ASTN1: variants seen among roughly 807,000 people sequenced by gnomAD.
ASTN1 encodes astrotactin-1.
A neutral mutation model predicts 140.7 loss-of-function variants in ASTN1; 41 were observed. That is an observed-to-expected ratio of 0.29 (90% CI 0.23 to 0.38). ASTN1 has a LOEUF of 0.38. Among genes scored for constraint, ASTN1 ranks in the 10% least tolerant of loss-of-function variants. The probability of loss-of-function intolerance (pLI) is 1.00; values close to 1 mark genes in which losing one functional copy is unlikely to be tolerated. For missense variants in ASTN1, 1,479 were observed against 1,678.8 expected, an observed-to-expected ratio of 0.88 and a Z score of 2.08; for synonymous variants, 640 against 652.2, an observed-to-expected ratio of 0.98 and a Z score of 0.29.
At chr1:177,144,037 T>A (rs565021242) in intron 1 of ASTN1, among the ~76,000 whole-genome samples, 1 of 152,176 alleles carries the variant, frequency 6.6e-6, no homozygotes, top group Admixed American at 6.5e-5. Context: ...AAATGTCTTT[T>A]CTTTGCCTTT....
intron 8 of ASTN1, among the ~76,000 whole-genome samples, chr1:176,985,845 TACACACACACACA>T (rs1166332179): frequency 7.7e-6 from 1 of 129,668 alleles, no homozygotes; most frequent in African/African-American, 3.0e-5. Context: ...TCTCTCTCTC[TACACACACACACA>T]CACACACACA....
chr1:177,031,368 G>A lies in ASTN1; in HGVS notation c.866-416C>T, dbSNP rs1022716499. On this transcript the variant is annotated intron_variant, in intron 3 of 22. Coordinates refer to ENST00000361833, the MANE Select transcript of ASTN1 (RefSeq NM_004319.3). ...CTTTCATCACAGTCTGCGCCATTCT[G>A]TATTGTCTGACCTCTTCTCTGCTTC... Among the ~76,000 whole-genome samples the A allele has an allele frequency of 1.4e-4, 21 of 152,114 alleles. 1 individual carries two copies. Among genetic ancestry groups the A allele is most frequent in the Admixed American group, 9.2e-4 (14 of 15,274 alleles).
intron 16 of ASTN1, among the ~76,000 whole-genome samples, chr1:176,905,280 C>T (rs753540198): frequency 1.8e-4 from 28 of 152,324 alleles, no homozygotes; most frequent in Middle Eastern, 3.4e-3. Context: ...TGAGTCTATG[C>T]AGGCGGGTGT....
intron 1 of ASTN1, among the ~76,000 whole-genome samples, chr1:177,098,689 T>C (rs1366899617): frequency 6.6e-6 from 1 of 152,150 alleles, no homozygotes; most frequent in Non-Finnish European, 1.5e-5. Context: ...AAGTAAACAA[T>C]GATTTGAGAA....
At chr1:177,163,416 G>T (rs147846796) in intron 1 of ASTN1, among the ~76,000 whole-genome samples, 1 of 152,146 alleles carries the variant, frequency 6.6e-6, no homozygotes, top group African/African-American at 2.4e-5. Context: ...ATGAACTTGT[G>T]GTGCTTTGCA....
chr1:177,020,906 A>T (rs1224042970), intron 7 of ASTN1, among the ~76,000 whole-genome samples: 2 of 152,200 alleles, frequency 1.3e-5, no homozygotes, highest in East Asian at 3.9e-4. Flanking sequence ...GCACAGCTCC[A>T]TGCATCCATA....
intron 1 of ASTN1, among the ~76,000 whole-genome samples, chr1:177,090,916 T>C (rs1305013081): frequency 1.3e-5 from 2 of 150,738 alleles, no homozygotes; most frequent in Non-Finnish European, 3.0e-5. Context: ...TCTGTCTACA[T>C]GACCTTGTTT....
At chr1:177,122,964 C>T (rs142705977) in intron 1 of ASTN1, among the ~76,000 whole-genome samples, 13 of 152,236 alleles carry the variant, frequency 8.5e-5, no homozygotes, top group African/African-American at 2.6e-4. Context: ...ATAACTGAAG[C>T]GCTTCCTGAG....
At chr1:177,037,772 C>T (rs1315771664) in intron 2 of ASTN1, among the ~76,000 whole-genome samples, 4 of 152,108 alleles carry the variant, frequency 2.6e-5, no homozygotes, top group African/African-American at 4.8e-5. Context: ...CATTTGGTAA[C>T]TAGAAGTGTG....
intron 1 of ASTN1, among the ~76,000 whole-genome samples, chr1:177,100,159 A>G (rs965291352): frequency 1.4e-4 from 21 of 152,178 alleles, no homozygotes; most frequent in African/African-American, 5.1e-4. Context: ...ATGGGCAGAT[A>G]ATAAAAAATT....
intron 8 of ASTN1, among the ~76,000 whole-genome samples, chr1:176,983,234 T>C (rs921433991): frequency 1.3e-5 from 2 of 152,126 alleles, no homozygotes; most frequent in African/African-American, 4.8e-5. Flanking sequence ...CTGGACAGGT[T>C]GGCAGGTTGA....
chr1:177,074,199 G>C (rs1483311331), intron 1 of ASTN1, among the ~76,000 whole-genome samples: 3 of 152,012 alleles, frequency 2.0e-5, no homozygotes, highest in African/African-American at 7.2e-5. Flanking sequence ...CCTTGAAGTT[G>C]GTCACAGGAA....
rs201838058 is a variant in ASTN1 at position 176,888,155 on chromosome 1, T to C, written c.2990A>G (p.Asp997Gly). Residue 997 changes from aspartate to glycine, a missense_variant, in exon 18 of 23, where the codon GAT becomes GGT. This residue lies in a region of ASTN1 where 746 missense variants were observed against 800.9 expected (regional missense o/e 0.93). Transcript: ENST00000361833. ...ACATCGACACCAGTCCTCGATGACA[T>C]CTCCAGTCCCTGAGCACCAGAGAGA... ...MSSLWCSGTGDVIEDWCRCDS... is the reference protein window; with the variant it reads ...MSSLWCSGTGGVIEDWCRCDS... The C allele has an allele frequency of 1.9e-6, 3 of 1,614,038 alleles. No individual in the cohort carries two copies. Among genetic ancestry groups the C allele is most frequent in the Non-Finnish European group, 2.5e-6 (3 of 1,179,986 alleles).
chr1:177,021,935 C>A (rs1320153167), intron 7 of ASTN1, among the ~76,000 whole-genome samples: 1 of 152,194 alleles, frequency 6.6e-6, no homozygotes, highest in African/African-American at 2.4e-5. Flanking sequence ...TGGTACACAG[C>A]CCATCTGTTT....
chr1:177,074,953 C>T (rs1678816279), intron 1 of ASTN1, among the ~76,000 whole-genome samples: 1 of 152,138 alleles, frequency 6.6e-6, no homozygotes, highest in Non-Finnish European at 1.5e-5. Flanking sequence ...CTAACTGGCA[C>T]CATTTTCTCA....
intron 8 of ASTN1, among the ~76,000 whole-genome samples, chr1:177,012,592 A>G (rs1675345122): frequency 6.6e-6 from 1 of 152,186 alleles, no homozygotes; most frequent in South Asian, 2.1e-4. Flanking sequence ...TCACTGCTTT[A>G]GCCTGTCTTG....
Position 176,901,426 on chromosome 1 carries a change from G to T in ASTN1, c.2672-6596C>A, listed in dbSNP as rs201810798. Among the ~76,000 whole-genome samples, 14 of 152,298 alleles carry T rather than the reference G, an allele frequency of 9.2e-5. No homozygotes were observed. In the East Asian group the frequency reaches 2.7e-3, roughly 29 times the overall value. ...AATAATGTCACAAAGTGGCAAAAGGGTATATCTGGTGTCCTGGGTCAGTGA... is the reference window on the plus strand; with the variant it reads ...AATAATGTCACAAAGTGGCAAAAGGTTATATCTGGTGTCCTGGGTCAGTGA... On this transcript the variant is annotated intron_variant, in intron 16 of 22. Transcript: ENST00000361833.
chr1:177,092,182 A>G (rs1416619804), intron 1 of ASTN1, among the ~76,000 whole-genome samples: 1 of 152,056 alleles, frequency 6.6e-6, no homozygotes, highest in African/African-American at 2.4e-5. Flanking sequence ...CCCATTTTTG[A>G]CTGCACTCAC....
At chr1:176,955,209 G>A (rs1054770226) in intron 11 of ASTN1, among the ~76,000 whole-genome samples, 4 of 152,132 alleles carry the variant, frequency 2.6e-5, no homozygotes, top group Middle Eastern at 3.2e-3. Flanking sequence ...GGAGGAAGGC[G>A]GGCCAATGCT....
Sources: allele counts gnomAD v4.1 joint callset (sites outside exome capture counted in the v4.1 genomes callset), GRCh38; gene constraint gnomAD v4.1.1; regional missense constraint gnomAD v4.1.1; transcripts MANE v1.5; gene names NCBI Gene and HGNC (gene_info 2026-07-23, HGNC 2026-07-21).